VAV2: variants seen among roughly 807,000 people sequenced by gnomAD.
VAV2 encodes guanine nucleotide exchange factor VAV2.
Under a neutral mutation model 132.5 loss-of-function variants are expected in VAV2, and 67 were observed. That is an observed-to-expected ratio of 0.51 (90% CI 0.42 to 0.62). VAV2 has a LOEUF of 0.62. Ranked by LOEUF, VAV2 falls within the 20% of genes least tolerant of loss-of-function variation. VAV2 has a pLI of 0.00. For synonymous variants in VAV2, 492 were observed against 443.5 expected (o/e 1.11, Z -1.37); for missense variants, 938 against 1,153.6 (o/e 0.81, Z 2.71).
intron 25 of VAV2, among the ~76,000 whole-genome samples, chr9:133,773,011 C>T (rs55786024): frequency 8.0e-6 from 1 of 125,692 alleles, no homozygotes; most frequent in African/African-American, 2.9e-5. Flanking sequence ...ACACCCCACA[C>T]CTAGGCTGGA....
chr9:133,989,957 C>A (rs1842966114), intron 1 of VAV2, among the ~76,000 whole-genome samples: 1 of 152,232 alleles, frequency 6.6e-6, no homozygotes, highest in South Asian at 2.1e-4. Flanking sequence ...GCACTACGTG[C>A]CACAGTCCAG....
chr9:133,799,338 G>A (rs1343117782), intron 9 of VAV2, among the ~76,000 whole-genome samples: 1 of 152,190 alleles, frequency 6.6e-6, no homozygotes, highest in Non-Finnish European at 1.5e-5. Context: ...CCAGCGCTGC[G>A]CGTGGGGTCC....
In VAV2 at chr9:133,794,952, C is replaced by T. The variant is rs377311222; in HGVS notation, c.1101+716G>A. Reference sequence around the variant, plus strand: ...CTGTCCACAGTGAAGGCAGGATGAGCAGGACGTGGCCAGGTGACGAGGAGG... The same window carrying T: ...CTGTCCACAGTGAAGGCAGGATGAGTAGGACGTGGCCAGGTGACGAGGAGG... On this transcript the variant is annotated intron_variant, in intron 12 of 29. Coordinates refer to ENST00000371850, the MANE Select transcript of VAV2 (RefSeq NM_001134398.2). The surrounding 1 kb of genome is among the most constrained non-coding windows in gnomAD (Gnocchi z 4.6). Among the ~76,000 whole-genome samples, 1 of 152,218 alleles carries T rather than the reference C, an allele frequency of 6.6e-6. No homozygotes were observed. Among genetic ancestry groups the T allele is most frequent in the East Asian group, 1.9e-4 (1 of 5,198 alleles).
chr9:133,981,826 C>A (rs534978236), intron 1 of VAV2, among the ~76,000 whole-genome samples: 12 of 152,332 alleles, frequency 7.9e-5, no homozygotes, highest in Admixed American at 5.9e-4. Context: ...GGAGCCCGGC[C>A]TCTGTCAGGA....
At position 133,889,207 on chromosome 9, in the gene VAV2, AG is replaced by A. The variant is rs140419613; in HGVS notation, c.322-27776del. Among the ~76,000 whole-genome samples the A allele has an allele frequency of 8.4e-3, 1,272 of 152,260 alleles. 18 individuals are homozygous for A. Among genetic ancestry groups the A allele is most frequent in the African/African-American group, 0.028 (1,144 of 41,556 alleles). On this transcript the variant is annotated intron_variant, in intron 2 of 29. Transcript: ENST00000371850. The stretch of plus-strand genomic sequence containing the variant: ...GATGACCCCAGACAAGCTGACCCCC[AG>A]GTCTTGGCCTGGGTTCCTCGTCCAG...
At chr9:133,937,520 G>A (rs1392371749) in intron 2 of VAV2, among the ~76,000 whole-genome samples, 20 of 124,084 alleles carry the variant, frequency 1.6e-4, no homozygotes, top group Non-Finnish European at 3.3e-4. Flanking sequence ...GTGTGTGCGC[G>A]TGTGAGAGTG....
chr9:133,886,342 A>G (rs1459111607), intron 2 of VAV2, among the ~76,000 whole-genome samples: 1 of 152,198 alleles, frequency 6.6e-6, no homozygotes, highest in Non-Finnish European at 1.5e-5. Flanking sequence ...CTCAGAGCCT[A>G]CCGCGTGCCT....
At chr9:133,889,585 C>T (rs1043907855) in intron 2 of VAV2, among the ~76,000 whole-genome samples, 16 of 152,212 alleles carry the variant, frequency 1.1e-4, no homozygotes, top group African/African-American at 3.6e-4. Flanking sequence ...CCCACAGCTC[C>T]GCAGCAAGGA....
At chr9:133,843,992 ATGG>A (rs1477045651) in intron 3 of VAV2, among the ~76,000 whole-genome samples, 1 of 152,112 alleles carries the variant, frequency 6.6e-6, no homozygotes, top group African/African-American at 2.4e-5. Context: ...ACCAGGGGAG[ATGG>A]TGAATACACC....
In VAV2 at chr9:133,919,841, C is replaced by T. The variant is rs1314945693; in HGVS notation, c.321+19262G>A. Among the ~76,000 whole-genome samples the T allele has an allele frequency of 1.3e-5, 2 of 152,202 alleles. No individual in the cohort carries two copies. Among genetic ancestry groups the T allele is most frequent in the South Asian group, 2.1e-4 (1 of 4,828 alleles). ...ACTGTCCCTGCCGCCCCGGCCACCC[C>T]TGCCTCACCCACCACCCAACCGCAT... On this transcript the variant is annotated intron_variant, in intron 2 of 29. Transcript: ENST00000371850. The surrounding 1 kb of genome is among the most constrained non-coding windows in gnomAD (Gnocchi z 5.8).
At chr9:133,814,802 A>G (rs1835494982) in intron 4 of VAV2, among the ~76,000 whole-genome samples, 2 of 152,014 alleles carry the variant, frequency 1.3e-5, no homozygotes, top group Non-Finnish European at 2.9e-5. Context: ...ACGACATGCA[A>G]CGTCTTTCCT....
rs1003489720 is a variant in VAV2 at position 133,834,557 on chromosome 9, C to T, written c.381-217G>A. ...CAAGAGGAGACCCATGCCTACTTGCCAGGGGGCAAGGAATGTGTCACGCCC... is the reference window on the plus strand; with the variant it reads ...CAAGAGGAGACCCATGCCTACTTGCTAGGGGGCAAGGAATGTGTCACGCCC... On this transcript the variant is annotated intron_variant, in intron 3 of 29. Transcript: ENST00000371850. The surrounding 1 kb of genome is among the most constrained non-coding windows in gnomAD (Gnocchi z 5.9). 3.9e-5 allele frequency among the ~76,000 whole-genome samples: 6 copies of T among 152,272 alleles called. No homozygotes were observed. The highest frequency in any genetic ancestry group is 1.4e-4 in the African/African-American group (6 of 41,480).
At chr9:133,889,406 G>A (rs1363777492) in intron 2 of VAV2, among the ~76,000 whole-genome samples, 3 of 152,154 alleles carry the variant, frequency 2.0e-5, no homozygotes, top group African/African-American at 7.2e-5. Context: ...AGGAGTCAAA[G>A]GGGTGGGGGA....
At chr9:133,808,711 G>T (rs62576510) in intron 7 of VAV2, among the ~76,000 whole-genome samples, 33 of 152,152 alleles carry the variant, frequency 2.2e-4, no homozygotes, top group African/African-American at 7.7e-4. Flanking sequence ...AGCTCTAGGT[G>T]GGGTGGGGGG....
rs141918029 is a variant in VAV2, at chr9:133,785,119, T to C, written c.1532+657A>G. 4.6e-3 allele frequency among the ~76,000 whole-genome samples: 705 copies of C among 152,158 alleles called. 7 individuals carry two copies. Among genetic ancestry groups the C allele is most frequent in the Middle Eastern group, 0.02 (6 of 294 alleles). On this transcript the variant is annotated intron_variant, in intron 17 of 29. Transcript: ENST00000371850. ...CAGGCCCTGGCCCTGCTGTGTCCAA[T>C]GGTTCCCTTTCGATCCTCCCAAAAA...
chr9:133,986,348 C>A (rs1842855938), intron 1 of VAV2, among the ~76,000 whole-genome samples: 1 of 152,204 alleles, frequency 6.6e-6, no homozygotes, highest in African/African-American at 2.4e-5. Context: ...GAGTCAAGGT[C>A]ATGAACATCA....
rs60841450 is a variant in VAV2, at chr9:133,910,823, C to CAAAA, written c.321+28276_321+28279dup. 3.0e-5 allele frequency among the ~76,000 whole-genome samples: 3 copies of CAAAA among 100,576 alleles called. No homozygotes were observed. In the East Asian group the frequency reaches 9.5e-4, roughly 32 times the overall value. The allele number at this position is 100,576 out of a possible 152,430, so 66.0% of individuals were successfully genotyped here. A position where few individuals can be genotyped will look rare whatever the true frequency, so the allele number is the denominator to read the frequency against. ...TGGGCGACAGAGCGAGACTCGGTCT[C>CAAAA]AAAAAAAAAAAAAAGAAAAAGAAAA... On this transcript the variant is annotated intron_variant, in intron 2 of 29. Coordinates refer to ENST00000371850, the MANE Select transcript of VAV2 (RefSeq NM_001134398.2).
chr9:133,805,357 C>A (rs534864797), intron 9 of VAV2, among the ~76,000 whole-genome samples: 77 of 152,294 alleles, frequency 5.1e-4, no homozygotes, highest in African/African-American at 1.8e-3. Flanking sequence ...TTAGCATAGA[C>A]CCCTTCGGGC....
At chr9:133,964,030 T>C (rs12351973) in intron 1 of VAV2, among the ~76,000 whole-genome samples, 16,028 of 80,076 alleles carry the variant, frequency 0.2, 1,852 homozygotes, top group Admixed American at 0.24. Flanking sequence ...TTCATATATA[T>C]ATATATATAT....
Sources: gnomAD v4.1 joint callset for allele counts (sites outside exome capture counted in the v4.1 genomes callset) on GRCh38, gnomAD v4.1.1 for gene constraint, Gnocchi (gnomAD v3.1) non-coding constraint, MANE v1.5 for transcripts, NCBI Gene and HGNC (gene_info 2026-07-23, HGNC 2026-07-21) for gene names.